MPRIP: variants seen among roughly 807,000 people sequenced by gnomAD.
MPRIP encodes the protein myosin phosphatase Rho-interacting protein.
Under a neutral mutation model 234.9 loss-of-function variants are expected in MPRIP, and 59 were observed. The ratio of observed to expected loss-of-function variants is 0.25; its 90% CI spans 0.20 to 0.31. The LOEUF is 0.31. Among genes scored for constraint, MPRIP ranks in the 10% least tolerant of loss-of-function variants. The pLI, the probability that MPRIP is intolerant of heterozygous loss-of-function variation, is 1.00. For missense variants in MPRIP, 2,436 were observed against 3,071.0 expected (o/e 0.79, Z 4.89); for synonymous variants, 1,144 against 1,263.9 (o/e 0.91, Z 2.01).
chr17:17,148,411 A>G (rs1453285092), intron 11 of MPRIP, among the ~76,000 whole-genome samples: 1 of 152,200 alleles, frequency 6.6e-6, no homozygotes, highest in Non-Finnish European at 1.5e-5. Context: ...TGCAAAAGCA[A>G]TGGGAGGTAA....
chr17:17,169,088 C>A (rs932493750), intron 16 of MPRIP: 3 of 437,428 alleles, frequency 6.9e-6, no homozygotes, highest in Non-Finnish European at 9.2e-6. Context: ...TTTCACCATT[C>A]TTTCCCCAAA....
chr17:17,165,677 C>T lies in MPRIP; in HGVS notation c.4086C>T (p.Ser1362=), dbSNP rs1278481085. 7 of 1,304,992 alleles carry T rather than the reference C, an allele frequency of 5.4e-6. No homozygotes were observed. In the African/African-American group the frequency reaches 7.6e-5, roughly 14 times the overall value. The allele number at this position is 1,304,992 out of a possible 1,614,324, so 80.8% of individuals were successfully genotyped here. A position where few individuals can be genotyped will look rare whatever the true frequency, so the allele number is the denominator to read the frequency against. The change falls in exon 16 of 24, where the codon TCC becomes TCT. Residue 1362 remains serine, a synonymous_variant. Transcript: ENST00000651222. ...QDRSPSEESM[S]SEPAPSVLPA... ...GGTCACCCTCGGAAGAAAGCATGTC[C>T]TCAGAGCCTGCACCCAGTGTACTGC... is the stretch of plus-strand genomic sequence containing the variant.
At chr17:17,068,624 G>A (rs1438959147) in intron 1 of MPRIP, among the ~76,000 whole-genome samples, 3 of 151,310 alleles carry the variant, frequency 2.0e-5, no homozygotes, top group South Asian at 2.1e-4. Flanking sequence ...TCCGCCTCCC[G>A]GTTTCAGGCA....
intron 3 of MPRIP, among the ~76,000 whole-genome samples, chr17:17,083,124 T>A (rs950190073): frequency 6.6e-6 from 1 of 152,194 alleles, no homozygotes; most frequent in Non-Finnish European, 1.5e-5. Flanking sequence ...TCACGAGAGA[T>A]GAGAGCTGCC....
intron 1 of MPRIP, among the ~76,000 whole-genome samples, chr17:17,045,013 T>C (rs2088299809): frequency 1.3e-5 from 2 of 152,212 alleles, no homozygotes; most frequent in African/African-American, 4.8e-5. Flanking sequence ...CAGCCTTCTC[T>C]GCTGCTCTCT....
At chr17:17,154,480 G>T in intron 13 of MPRIP, 65 bp downstream of exon 13, 2 of 1,400,522 alleles carry the variant, frequency 1.4e-6, no homozygotes, top group Admixed American at 3.4e-5. Context: ...CGCCAGGGCA[G>T]TGTCAGACTC....
intron 1 of MPRIP, among the ~76,000 whole-genome samples, chr17:17,068,370 G>A (rs960714154): frequency 6.0e-5 from 9 of 151,102 alleles, no homozygotes; most frequent in African/African-American, 2.2e-4. Context: ...GGCTGGTCTC[G>A]AACTCCTGAC....
intron 1 of MPRIP, among the ~76,000 whole-genome samples, chr17:17,061,839 C>T (rs1236662456): frequency 6.6e-6 from 1 of 152,122 alleles, no homozygotes; most frequent in Non-Finnish European, 1.5e-5. Flanking sequence ...CCACTGGCTC[C>T]TTCCACTGTG....
chr17:17,110,474 C>T (rs1014702872), intron 3 of MPRIP, among the ~76,000 whole-genome samples: 1 of 152,136 alleles, frequency 6.6e-6, no homozygotes, highest in Admixed American at 6.5e-5. Context: ...GTGCAGAATT[C>T]CAGGTTATTT....
intron 22 of MPRIP, chr17:17,179,512 A>G (rs1339824913): frequency 1.3e-5 from 2 of 152,390 alleles, no homozygotes; most frequent in Non-Finnish European, 2.9e-5. Context: ...GATATGACTC[A>G]GTATCTGTTT....
chr17:17,103,803 G>C (rs1597808343), intron 3 of MPRIP, among the ~76,000 whole-genome samples: 2 of 152,312 alleles, frequency 1.3e-5, no homozygotes, highest in East Asian at 3.9e-4. Flanking sequence ...TGCCTCAGAT[G>C]ATGGCCCTTC....
intron 3 of MPRIP, among the ~76,000 whole-genome samples, chr17:17,083,107 T>C (rs1417336831): frequency 6.6e-6 from 1 of 152,216 alleles, no homozygotes; most frequent in African/African-American, 2.4e-5. Flanking sequence ...TGGAGAGTCC[T>C]TGAGCATCAC....
chr17:17,121,679 G>T (rs1195088276), intron 3 of MPRIP, among the ~76,000 whole-genome samples: 1 of 152,156 alleles, frequency 6.6e-6, no homozygotes, highest in African/African-American at 2.4e-5. Context: ...CTTTTTTTAA[G>T]TTCAGGGGTG....
chr17:17,173,022 C>G (rs573718763), intron 18 of MPRIP, among the ~76,000 whole-genome samples: 1 of 152,238 alleles, frequency 6.6e-6, no homozygotes, highest in Non-Finnish European at 1.5e-5. Context: ...GACTGTTCCT[C>G]GAAATGCCAA....
At position 17,104,530 on chromosome 17, in the gene MPRIP, G is replaced by A. The variant is rs1567717283; in HGVS notation, c.268-22172G>A. Among the ~76,000 whole-genome samples the A allele has an allele frequency of 5.3e-5, 8 of 152,200 alleles. No homozygotes were observed. The South Asian group carries it at 1.5e-3, about 28-fold the overall frequency. ...CCTTCCTCCCGACCAGTCCACGGCT[G>A]TGTTCAAGCCTGGTGGGGAGCCGTG... On this transcript the variant is annotated intron_variant, in intron 3 of 23. Coordinates refer to ENST00000651222, the MANE Select transcript of MPRIP (RefSeq NM_001364716.4).
chr17:17,123,690 C>G (rs1251699800), intron 3 of MPRIP, among the ~76,000 whole-genome samples: 1 of 121,102 alleles, frequency 8.3e-6, no homozygotes. Context: ...GGCAACAGAG[C>G]GAGACTTCGT....
intron 1 of MPRIP, among the ~76,000 whole-genome samples, chr17:17,056,791 G>A (rs2088713107): frequency 6.6e-6 from 1 of 151,270 alleles, no homozygotes; most frequent in Admixed American, 6.6e-5. Flanking sequence ...CCCGCCTTTA[G>A]TCCCCAGCAA....
intron 3 of MPRIP, among the ~76,000 whole-genome samples, chr17:17,108,506 C>T (rs2090106246): frequency 6.6e-6 from 1 of 152,226 alleles, no homozygotes; most frequent in Non-Finnish European, 1.5e-5. Flanking sequence ...AAATCTGAGT[C>T]TCTCTCTGGG....
intron 3 of MPRIP, among the ~76,000 whole-genome samples, chr17:17,082,148 G>C (rs1036623139): frequency 6.6e-6 from 1 of 152,132 alleles, no homozygotes; most frequent in African/African-American, 2.4e-5. Context: ...TCACTAGAAG[G>C]CTCTTGGGAG....
Sources: gnomAD v4.1 joint callset for allele counts (sites outside exome capture counted in the v4.1 genomes callset) on GRCh38, gnomAD v4.1.1 for gene constraint, MANE v1.5 for transcripts, NCBI Gene and HGNC (gene_info 2026-07-23, HGNC 2026-07-21) for gene names.